The following MYO5B variants were observed in gnomAD, a reference collection of about 807,000 sequenced individuals.
The protein encoded by MYO5B is unconventional myosin-Vb.
A neutral mutation model predicts 229.3 loss-of-function variants in MYO5B; 143 were observed. The ratio of observed to expected loss-of-function variants is 0.62; its 90% CI spans 0.54 to 0.72. The LOEUF (loss-of-function observed/expected upper bound fraction) is 0.72, where lower values mean the gene tolerates loss of function less well. Among genes scored for constraint, MYO5B ranks in the 30% least tolerant of loss-of-function variants. The probability of loss-of-function intolerance (pLI) is 0.00; values close to 1 mark genes in which losing one functional copy is unlikely to be tolerated. For synonymous variants in MYO5B, 918 were observed against 885.2 expected (o/e 1.04, Z -0.66); for missense variants, 2,321 against 2,331.0 (o/e 1.00, Z 0.09).
intron 4 of MYO5B, among the ~76,000 whole-genome samples, chr18:50,022,302 A>T (rs1304885291): frequency 6.6e-6 from 1 of 152,242 alleles, no homozygotes; most frequent in Non-Finnish European, 1.5e-5. Context: ...AATCTATAAA[A>T]TTGAGATACT....
intron 29 of MYO5B, among the ~76,000 whole-genome samples, chr18:49,861,745 C>G (rs1009688472): frequency 3.3e-5 from 5 of 152,136 alleles, no homozygotes; most frequent in South Asian, 2.1e-4. Context: ...GCTGTTCCAC[C>G]CCCCCGGGCC....
intron 21 of MYO5B, among the ~76,000 whole-genome samples, chr18:49,897,404 CGT>C (rs2024790980): frequency 1.3e-5 from 2 of 151,856 alleles, no homozygotes; most frequent in South Asian, 4.2e-4. Context: ...TGAATGTATC[CGT>C]GTCTTAGTTT....
chr18:49,833,635 G>T (rs1426430562), intron 39 of MYO5B, among the ~76,000 whole-genome samples: 2 of 152,118 alleles, frequency 1.3e-5, no homozygotes, highest in African/African-American at 4.8e-5. Context: ...TAAACAGTGG[G>T]GTTGCCAATT....
intron 1 of MYO5B, among the ~76,000 whole-genome samples, chr18:50,078,496 C>A (rs1327590041): frequency 6.6e-6 from 1 of 152,066 alleles, no homozygotes; most frequent in Non-Finnish European, 1.5e-5. Context: ...TGTAAAAGCC[C>A]TCAACTTTAG....
At chr18:49,955,849 G>T (rs2025487033) in intron 12 of MYO5B, among the ~76,000 whole-genome samples, 1 of 152,208 alleles carries the variant, frequency 6.6e-6, no homozygotes, top group Non-Finnish European at 1.5e-5. Context: ...GGTCTTCCCA[G>T]TATGGCTGTC....
intron 1 of MYO5B, among the ~76,000 whole-genome samples, chr18:50,188,453 C>T (rs1192849049): frequency 6.6e-6 from 1 of 152,102 alleles, no homozygotes; most frequent in East Asian, 1.9e-4. Flanking sequence ...GCTTTTATCA[C>T]CAAACACACT....
At chr18:50,180,594 G>C (rs1568135350) in intron 1 of MYO5B, among the ~76,000 whole-genome samples, 1 of 152,102 alleles carries the variant, frequency 6.6e-6, no homozygotes, top group Non-Finnish European at 1.5e-5. Flanking sequence ...GTACAGTTCA[G>C]TGGCATCAAG....
At chr18:49,944,169 T>C (rs1298754443) in intron 14 of MYO5B, among the ~76,000 whole-genome samples, 2 of 152,130 alleles carry the variant, frequency 1.3e-5, no homozygotes, top group Non-Finnish European at 2.9e-5. Flanking sequence ...CTGGCACACA[T>C]GAACTCCTCC....
chr18:50,087,449 T>G (rs1409554435), intron 1 of MYO5B, among the ~76,000 whole-genome samples: 1 of 151,756 alleles, frequency 6.6e-6, no homozygotes, highest in Non-Finnish European at 1.5e-5. Flanking sequence ...GGCACGCGCC[T>G]GTAATCCCAG....
chr18:50,188,661 C>T (rs2144359966), intron 1 of MYO5B, among the ~76,000 whole-genome samples: 1 of 152,148 alleles, frequency 6.6e-6, no homozygotes, highest in Admixed American at 6.5e-5. Flanking sequence ...GTGGCACACA[C>T]CTGTAGTCCC....
chr18:50,162,774 A>AG (rs2032787370), intron 1 of MYO5B, among the ~76,000 whole-genome samples: 1 of 152,246 alleles, frequency 6.6e-6, no homozygotes, highest in African/African-American at 2.4e-5. Flanking sequence ...AGGCAGCACC[A>AG]TCTGCAACCC....
chr18:50,053,285 C>T (rs2030451638), intron 2 of MYO5B, among the ~76,000 whole-genome samples: 4 of 152,106 alleles, frequency 2.6e-5, no homozygotes, highest in African/African-American at 9.7e-5. Flanking sequence ...GCTGCCTGGC[C>T]TTGTAGCAGG....
intron 1 of MYO5B, among the ~76,000 whole-genome samples, chr18:50,113,848 A>T (rs1294684150): frequency 6.6e-6 from 1 of 152,208 alleles, no homozygotes; most frequent in Non-Finnish European, 1.5e-5. Context: ...TTTAAAGTAC[A>T]TGGAAGTTTA....
chr18:50,093,548 G>A (rs2031491821), intron 1 of MYO5B, among the ~76,000 whole-genome samples: 1 of 152,150 alleles, frequency 6.6e-6, no homozygotes, highest in South Asian at 2.1e-4. Context: ...TGGGTAAAAT[G>A]AGGCTGAGAC....
chr18:49,926,450 G>A (rs1257103792), intron 17 of MYO5B, among the ~76,000 whole-genome samples: 4 of 152,194 alleles, frequency 2.6e-5, no homozygotes, highest in Admixed American at 6.5e-5. Flanking sequence ...TGATATGAGC[G>A]AGTTGTTAGG....
chr18:50,059,452 G>A (rs992098174), intron 1 of MYO5B, among the ~76,000 whole-genome samples: 1 of 152,190 alleles, frequency 6.6e-6, no homozygotes, highest in Non-Finnish European at 1.5e-5. Flanking sequence ...AGTTAATGCC[G>A]ACTTTGGAAG....
At chr18:49,898,921 G>GCA (rs1327404888) in intron 21 of MYO5B, among the ~76,000 whole-genome samples, 2 of 152,280 alleles carry the variant, frequency 1.3e-5, no homozygotes, top group South Asian at 4.1e-4. Flanking sequence ...GGATTCTAGA[G>GCA]CACAGTCTGG....
intron 22 of MYO5B, among the ~76,000 whole-genome samples, chr18:49,884,138 C>A (rs1047405991): frequency 2.0e-5 from 3 of 151,776 alleles, no homozygotes; most frequent in Admixed American, 2.0e-4. Context: ...AATTGAACTT[C>A]ATTAAAATTT....
At chr18:50,013,645 G>A (rs1382483629) in intron 4 of MYO5B, among the ~76,000 whole-genome samples, 1 of 152,176 alleles carries the variant, frequency 6.6e-6, no homozygotes, top group African/African-American at 2.4e-5. Context: ...CAGCACAGAT[G>A]TAAGTGGCCA....
Sources: gnomAD v4.1 joint callset for allele counts (sites outside exome capture counted in the v4.1 genomes callset) on GRCh38, gnomAD v4.1.1 for gene constraint, MANE v1.5 for transcripts, NCBI Gene and HGNC (gene_info 2026-07-23, HGNC 2026-07-21) for gene names.